NAALADL2: variants seen among roughly 807,000 people sequenced by gnomAD.
The protein encoded by NAALADL2 is inactive N-acetylated-alpha-linked acidic dipeptidase-like protein 2.
In NAALADL2, 76 loss-of-function variants were observed where a neutral mutation model predicts 87.2. The observed-to-expected ratio is 0.87, with a 90% CI of 0.72 to 1.05. The LOEUF is 1.05. NAALADL2 is among the 50% of genes least tolerant of loss of function. The pLI, the probability that NAALADL2 is intolerant of heterozygous loss-of-function variation, is 0.00. For missense variants in NAALADL2, 1,089 were observed against 945.8 expected, an observed-to-expected ratio of 1.15 and a Z score of -1.99; for synonymous variants, 354 against 331.0, an observed-to-expected ratio of 1.07 and a Z score of -0.75.
At chr3:175,525,227 G>T (rs1011019350) in intron 9 of NAALADL2, among the ~76,000 whole-genome samples, 3 of 151,998 alleles carry the variant, frequency 2.0e-5, no homozygotes, top group African/African-American at 7.3e-5. Flanking sequence ...TATCACCTTA[G>T]TCATATTTAT....
At chr3:174,890,093 C>T (rs984192495) in intron 1 of NAALADL2, among the ~76,000 whole-genome samples, 2 of 152,154 alleles carry the variant, frequency 1.3e-5, no homozygotes, top group African/African-American at 4.8e-5. Flanking sequence ...TCGGTACCAT[C>T]ACTCTAGAAC....
intron 2 of NAALADL2, among the ~76,000 whole-genome samples, chr3:175,174,717 G>A (rs1292416990): frequency 1.3e-5 from 2 of 151,928 alleles, no homozygotes; most frequent in African/African-American, 4.8e-5. Flanking sequence ...TAGAGATTGT[G>A]TTTGAAAACC....
chr3:174,685,045 T>C (rs1023184805), intron 2 of NAALADL2, among the ~76,000 whole-genome samples: 2 of 152,096 alleles, frequency 1.3e-5, no homozygotes, highest in Non-Finnish European at 2.9e-5. Context: ...TTATCTACAC[T>C]CACTTTTCTG....
intron 3 of NAALADL2, among the ~76,000 whole-genome samples, chr3:174,812,919 CA>C (rs1462604084): frequency 1.3e-5 from 2 of 151,604 alleles, no homozygotes; most frequent in African/African-American, 2.4e-5. Flanking sequence ...ACAAAAGAAT[CA>C]AAAAAGTAAA....
chr3:175,189,899 A>G (rs1440215710), intron 2 of NAALADL2, among the ~76,000 whole-genome samples: 4 of 152,212 alleles, frequency 2.6e-5, no homozygotes, highest in Non-Finnish European at 5.9e-5. Flanking sequence ...GTGAAACAAA[A>G]TAGACAGTCC....
At chr3:174,714,236 A>T (rs1730966895) in intron 2 of NAALADL2, among the ~76,000 whole-genome samples, 1 of 152,154 alleles carries the variant, frequency 6.6e-6, no homozygotes, top group African/African-American at 2.4e-5. Flanking sequence ...AGGTCGCGTG[A>T]TACCCCTAGC....
At chr3:174,802,568 G>A (rs775086827) in intron 3 of NAALADL2, among the ~76,000 whole-genome samples, 1 of 152,134 alleles carries the variant, frequency 6.6e-6, no homozygotes, top group Non-Finnish European at 1.5e-5. Flanking sequence ...GTGCCATGTT[G>A]GTTTGCTGCG....
At chr3:174,471,236 T>C (rs1221117260) in intron 1 of NAALADL2, among the ~76,000 whole-genome samples, 3 of 152,026 alleles carry the variant, frequency 2.0e-5, no homozygotes. Context: ...CCTATAAATA[T>C]AAGTTTTTCT....
At chr3:175,620,003 G>C (rs1725977734) in intron 10 of NAALADL2, among the ~76,000 whole-genome samples, 1 of 151,520 alleles carries the variant, frequency 6.6e-6, no homozygotes, top group African/African-American at 2.4e-5. Flanking sequence ...TCTCCTCCAA[G>C]TCTGAAAAAT....
intron 7 of NAALADL2, among the ~76,000 whole-genome samples, chr3:175,464,756 C>A (rs1283832564): frequency 6.6e-6 from 1 of 152,140 alleles, no homozygotes. Context: ...CAGTTATTTT[C>A]TCCGATTTCT....
chr3:174,810,059 A>G (rs1579025181), intron 3 of NAALADL2, among the ~76,000 whole-genome samples: 3 of 152,202 alleles, frequency 2.0e-5, no homozygotes, highest in East Asian at 1.9e-4. Context: ...AGATGCTGCC[A>G]TGCTTCCTGT....
Position 175,097,292 on chromosome 3 carries a change from G to T in NAALADL2, c.545+1G>T. The T allele has an allele frequency of 1.2e-6, 2 of 1,603,066 alleles. No individual in the cohort carries two copies. Among genetic ancestry groups the T allele is most frequent in the Non-Finnish European group, 8.5e-7 (1 of 1,174,288 alleles). ...CAGAAGATATTAAGAAGTCTTTCAGGTAGGTGAAGAAGAAACAGATGTTGT... is the reference window on the plus strand; with the variant it reads ...CAGAAGATATTAAGAAGTCTTTCAGTTAGGTGAAGAAGAAACAGATGTTGT... On this transcript the variant is annotated splice_donor_variant, in intron 2 of 13. Transcript: ENST00000454872. LOFTEE classifies it high-confidence loss of function.
intron 2 of NAALADL2, among the ~76,000 whole-genome samples, chr3:175,174,039 C>A (rs1341322685): frequency 1.3e-5 from 2 of 151,650 alleles, no homozygotes; most frequent in Non-Finnish European, 2.9e-5. Context: ...TATTATTGTA[C>A]CCTCAATCAT....
intron 11 of NAALADL2, among the ~76,000 whole-genome samples, chr3:175,649,692 A>T (rs1434802727): frequency 6.6e-6 from 1 of 152,048 alleles, no homozygotes; most frequent in African/African-American, 2.4e-5. Context: ...GAGTACAGTA[A>T]TCTCATCAGA....
intron 2 of NAALADL2, among the ~76,000 whole-genome samples, chr3:175,191,347 G>A (rs551524339): frequency 7.2e-5 from 11 of 152,308 alleles, no homozygotes; most frequent in African/African-American, 2.2e-4. Context: ...TCAGGAATTG[G>A]TAGAAGTGTT....
At chr3:174,801,852 T>C (rs754298326) in intron 3 of NAALADL2, among the ~76,000 whole-genome samples, 1 of 152,142 alleles carries the variant, frequency 6.6e-6, no homozygotes, top group South Asian at 2.1e-4. Context: ...CTTATCATGA[T>C]AGCTTAAGAG....
intron 3 of NAALADL2, among the ~76,000 whole-genome samples, chr3:174,787,681 T>C (rs527467059): frequency 5.0e-5 from 7 of 140,082 alleles, no homozygotes; most frequent in Admixed American, 3.0e-4. Flanking sequence ...AACTGGACTT[T>C]TTGAAATAAA....
intron 3 of NAALADL2, among the ~76,000 whole-genome samples, chr3:175,252,482 C>T (rs1272758239): frequency 1.3e-5 from 2 of 152,008 alleles, no homozygotes; most frequent in African/African-American, 4.8e-5. Context: ...TTGCCATCTC[C>T]CTCCCTCTCC....
chr3:175,146,919 GA>G (rs965020679), intron 2 of NAALADL2, among the ~76,000 whole-genome samples: 8 of 151,606 alleles, frequency 5.3e-5, no homozygotes, highest in African/African-American at 1.9e-4. Context: ...TTATTTTAAT[GA>G]AAAAAAATGC....
Sources: gnomAD v4.1 joint callset for allele counts (sites outside exome capture counted in the v4.1 genomes callset) on GRCh38, gnomAD v4.1.1 for gene constraint, MANE v1.5 for transcripts, NCBI Gene and HGNC (gene_info 2026-07-23, HGNC 2026-07-21) for gene names.